The following GNG7 variants were observed in gnomAD, a reference collection of about 807,000 sequenced individuals.
GNG7 encodes G protein subunit gamma 7.
In GNG7, 1 loss-of-function variant was observed where a neutral mutation model predicts 4.0. The observed-to-expected ratio is 0.25, with a 90% CI of 0.09 to 1.18. GNG7 has a LOEUF of 1.18. Among genes scored for constraint, GNG7 ranks in the 50% most tolerant of loss-of-function variants. The pLI is 0.50. For missense variants in GNG7, 86 were observed against 91.9 expected (o/e 0.94, Z 0.26); for synonymous variants, 34 against 36.9 (o/e 0.92, Z 0.29).
At chr19:2,592,945 A>C (rs1255359856) in intron 2 of GNG7, among the ~76,000 whole-genome samples, 1 of 142,072 alleles carries the variant, frequency 7.0e-6, no homozygotes, top group Non-Finnish European at 1.5e-5. Context: ...GAAGGAAGGA[A>C]GGACGGAAGA....
At chr19:2,680,941 T>C (rs1274961387) in intron 1 of GNG7, among the ~76,000 whole-genome samples, 1 of 151,852 alleles carries the variant, frequency 6.6e-6, no homozygotes, top group Non-Finnish European at 1.5e-5. Flanking sequence ...CCGTGAGCCC[T>C]TGTGATTGTT....
At chr19:2,560,064 G>A (rs960010486) in intron 2 of GNG7, among the ~76,000 whole-genome samples, 4 of 152,112 alleles carry the variant, frequency 2.6e-5, no homozygotes, top group African/African-American at 9.7e-5. Flanking sequence ...GAGGGGAAAC[G>A]GGGAGGCGGA....
intron 2 of GNG7, among the ~76,000 whole-genome samples, chr19:2,602,983 TTTCC>T (rs1413773131): frequency 9.3e-5 from 14 of 151,294 alleles, no homozygotes; most frequent in Non-Finnish European, 1.6e-4. Flanking sequence ...TCTCTCTCTC[TTTCC>T]TTCCTTCCTT....
intron 4 of GNG7, among the ~76,000 whole-genome samples, chr19:2,520,244 T>C (rs1357150922): frequency 6.6e-6 from 1 of 152,030 alleles, no homozygotes; most frequent in East Asian, 1.9e-4. Context: ...CGACATGCAG[T>C]CTCCTCCCGC....
chr19:2,518,727 G>T (rs1475515771), intron 4 of GNG7, among the ~76,000 whole-genome samples: 1 of 152,178 alleles, frequency 6.6e-6, no homozygotes, highest in East Asian at 1.9e-4. Context: ...GATACGTGGG[G>T]TGATGGCTGA....
intron 3 of GNG7, among the ~76,000 whole-genome samples, chr19:2,524,666 A>G (rs991826463): frequency 6.6e-6 from 1 of 152,172 alleles, no homozygotes; most frequent in African/African-American, 2.4e-5. Context: ...GTGCGTCTGC[A>G]TATGAGTGTG....
intron 3 of GNG7, among the ~76,000 whole-genome samples, chr19:2,553,991 T>TAATAC (rs1012254173): frequency 2.0e-5 from 3 of 146,864 alleles, no homozygotes; most frequent in Non-Finnish European, 4.5e-5. Context: ...ATGTAATATA[T>TAATAC]ATTACACATA....
At chr19:2,679,074 G>A (rs961130797) in intron 1 of GNG7, among the ~76,000 whole-genome samples, 2 of 152,102 alleles carry the variant, frequency 1.3e-5, no homozygotes, top group African/African-American at 4.8e-5. Flanking sequence ...TTTTGAGACG[G>A]GATCTTGCTG....
intron 1 of GNG7, among the ~76,000 whole-genome samples, chr19:2,678,660 AG>A (rs1189335549): frequency 1.3e-5 from 2 of 152,030 alleles, no homozygotes; most frequent in African/African-American, 4.8e-5. Flanking sequence ...CCAGTCTCGG[AG>A]GGTCCTGGGC....
chr19:2,691,255 T>G (rs1913128865), intron 1 of GNG7, among the ~76,000 whole-genome samples: 1 of 152,128 alleles, frequency 6.6e-6, no homozygotes, highest in Non-Finnish European at 1.5e-5. Flanking sequence ...TCATTAGAAA[T>G]GGTTTCGGCC....
intron 2 of GNG7, among the ~76,000 whole-genome samples, chr19:2,564,352 G>A (rs779657664): frequency 1.1e-4 from 16 of 152,184 alleles, no homozygotes; most frequent in South Asian, 1.0e-3. Context: ...AGGCCGAGGC[G>A]GGAGGATCGC....
intron 1 of GNG7, among the ~76,000 whole-genome samples, chr19:2,673,943 C>A (rs1983530956): frequency 6.6e-6 from 1 of 152,064 alleles, no homozygotes; most frequent in Non-Finnish European, 1.5e-5. Context: ...CTAATATAGG[C>A]TGTTTCCAAA....
At chr19:2,543,674 G>A (rs1462239222) in intron 3 of GNG7, among the ~76,000 whole-genome samples, 2 of 152,194 alleles carry the variant, frequency 1.3e-5, no homozygotes, top group Admixed American at 6.5e-5. Context: ...TTGCTCTCCT[G>A]ACGGCACAGG....
intron 3 of GNG7, among the ~76,000 whole-genome samples, chr19:2,535,243 C>CT (rs1317765808): frequency 6.7e-6 from 1 of 149,774 alleles, no homozygotes; most frequent in African/African-American, 2.5e-5. Flanking sequence ...AGTCCCAGCA[C>CT]TTTGGGAGGC....
chr19:2,653,335 T>G lies in GNG7; in HGVS notation c.-134-7055A>C, dbSNP rs542110107. ...GATTTGCAACAGACAAACACAGAGC[T>G]GGGAAATTCCGCAGCAGGGCAGATG... is the stretch of plus-strand genomic sequence containing the variant. On this transcript the variant is annotated intron_variant, in intron 1 of 4. Transcript: ENST00000382159. The surrounding 1 kb of genome is among the most constrained non-coding windows in gnomAD (Gnocchi z 4.8). Among the ~76,000 whole-genome samples, 1 of 152,130 alleles carries G rather than the reference T, an allele frequency of 6.6e-6. No homozygotes were observed. Among genetic ancestry groups the G allele is most frequent in the Non-Finnish European group, 1.5e-5 (1 of 68,032 alleles).
chr19:2,675,774 A>C lies in GNG7; in HGVS notation c.-135+26872T>G, dbSNP rs74548849. ...TATGGAGTGGGTGGAGGCCAGGGAC[A>C]CTGCTCAGCACCCTGCAGTGCCCAG... On this transcript the variant is annotated intron_variant, in intron 1 of 4. Transcript: ENST00000382159. Among the ~76,000 whole-genome samples, 151 of 152,202 alleles carry C rather than the reference A, an allele frequency of 9.9e-4. 1 individual carries two copies. The highest frequency in any genetic ancestry group is 3.4e-3 in the African/African-American group (141 of 41,514).
rs1364687240 is a variant in GNG7 at position 2,661,211 on chromosome 19, C to CA, written c.-134-14932dup. Among the ~76,000 whole-genome samples, 149 of 23,484 alleles carry CA rather than the reference C, an allele frequency of 6.3e-3. 2 individuals are homozygous for CA. Among genetic ancestry groups the CA allele is most frequent in the African/African-American group, 0.017 (112 of 6,758 alleles). The allele number at this position is 23,484 out of a possible 152,430, so 15.4% of individuals were successfully genotyped here. A position where few individuals can be genotyped will look rare whatever the true frequency, so the allele number is the denominator to read the frequency against. On this transcript the variant is annotated intron_variant, in intron 1 of 4. Coordinates refer to ENST00000382159, the MANE Select transcript of GNG7 (RefSeq NM_052847.3). ...GGGCAACAAGAGCAAAACTCTGTCT[C>CA]AAAAAAAAAAAAAAGAAAAGGAAAG...
chr19:2,690,713 C>T (rs1913117130), intron 1 of GNG7, among the ~76,000 whole-genome samples: 1 of 152,136 alleles, frequency 6.6e-6, no homozygotes, highest in Non-Finnish European at 1.5e-5. Context: ...CCCACCTCAG[C>T]CTCCTGAGTA....
At chr19:2,564,074 T>C (rs954396269) in intron 2 of GNG7, among the ~76,000 whole-genome samples, 1 of 151,780 alleles carries the variant, frequency 6.6e-6, no homozygotes, top group African/African-American at 2.4e-5. Flanking sequence ...TAAACAGGAG[T>C]GTAGCTAATT....
Sources: gnomAD v4.1 joint callset for allele counts (sites outside exome capture counted in the v4.1 genomes callset) on GRCh38, gnomAD v4.1.1 for gene constraint, Gnocchi (gnomAD v3.1) non-coding constraint, MANE v1.5 for transcripts, NCBI Gene and HGNC (gene_info 2026-07-23, HGNC 2026-07-21) for gene names.